Variants in CREBBP observed in about 807,000 individuals in gnomAD.
CREBBP encodes CREB binding lysine acetyltransferase, also known as CREB-binding protein.
Under a neutral mutation model 265.0 loss-of-function variants are expected in CREBBP, and 19 were observed. The ratio of observed to expected loss-of-function variants is 0.07; its 90% CI spans 0.05 to 0.11. CREBBP has a LOEUF of 0.11. Among genes scored for constraint, CREBBP ranks in the 10% least tolerant of loss-of-function variants. The pLI, the probability that CREBBP is intolerant of heterozygous loss-of-function variation, is 1.00. For missense variants in CREBBP, 2,525 were observed against 3,219.0 expected (o/e 0.78, Z 5.22); for synonymous variants, 1,457 against 1,223.7 (o/e 1.19, Z -3.98).
chr16:3,851,855 C>G, intron 1 of CREBBP, among the ~76,000 whole-genome samples: 1 of 71,522 alleles, frequency 1.4e-5, no homozygotes, highest in South Asian at 4.6e-4. Context: ...AGCGAGACTC[C>G]GTCTCAAAAA....
At chr16:3,830,339 T>A (rs1396154174) in intron 2 of CREBBP, among the ~76,000 whole-genome samples, 1 of 151,940 alleles carries the variant, frequency 6.6e-6, no homozygotes, top group Non-Finnish European at 1.5e-5. Context: ...GGGGCAGAGG[T>A]TGCAGGGAGC....
intron 2 of CREBBP, among the ~76,000 whole-genome samples, chr16:3,839,452 A>T (rs2054521498): frequency 6.6e-6 from 1 of 152,068 alleles, no homozygotes; most frequent in African/African-American, 2.4e-5. Context: ...AGGCTGAGGC[A>T]GGCGGATCAC....
chr16:3,862,883 T>C (rs1458456438), intron 1 of CREBBP, among the ~76,000 whole-genome samples: 1 of 152,202 alleles, frequency 6.6e-6, no homozygotes, highest in Non-Finnish European at 1.5e-5. Flanking sequence ...TTGCCTCTTA[T>C]TTGAAAGCTA....
chr16:3,821,432 T>A (rs1439129089), intron 2 of CREBBP, among the ~76,000 whole-genome samples: 1 of 152,086 alleles, frequency 6.6e-6, no homozygotes, highest in Admixed American at 6.5e-5. Context: ...AGGTCTTCCA[T>A]CCCCACTGCC....
At chr16:3,879,238 A>G (rs1486566879) in intron 1 of CREBBP, among the ~76,000 whole-genome samples, 113 of 5,528 alleles carry the variant, frequency 0.02, 1 homozygote, top group Admixed American at 0.047. Flanking sequence ...ACGCGCGCAC[A>G]CACACACACA....
chr16:3,865,502 G>A (rs959286382), intron 1 of CREBBP, among the ~76,000 whole-genome samples: 6 of 152,176 alleles, frequency 3.9e-5, no homozygotes, highest in African/African-American at 1.4e-4. Context: ...CCTGAATACA[G>A]ATAAACCCTG....
At chr16:3,807,622 A>T (rs1392467730) in intron 3 of CREBBP, among the ~76,000 whole-genome samples, 36 of 152,206 alleles carry the variant, frequency 2.4e-4, no homozygotes. Context: ...ACCTCAGAAC[A>T]TAACTGAAGA....
intron 21 of CREBBP, among the ~76,000 whole-genome samples, chr16:3,748,005 G>A (rs1037535185): frequency 7.2e-5 from 11 of 152,182 alleles, no homozygotes; most frequent in Non-Finnish European, 1.6e-4. Context: ...CAGGAGAATC[G>A]CTTGAACCCG....
At chr16:3,734,015 A>T (rs1032281518) in intron 28 of CREBBP, among the ~76,000 whole-genome samples, 3 of 152,224 alleles carry the variant, frequency 2.0e-5, no homozygotes, top group Non-Finnish European at 2.9e-5. Flanking sequence ...AGTAATTTTA[A>T]AAAGTTTTGT....
chr16:3,792,555 A>G (rs1286448787), intron 4 of CREBBP, among the ~76,000 whole-genome samples: 2 of 152,214 alleles, frequency 1.3e-5, no homozygotes, highest in East Asian at 3.8e-4. Context: ...CTTGGTGAAG[A>G]AGTACTCGAG....
chr16:3,833,976 C>A (rs150151960), intron 2 of CREBBP, among the ~76,000 whole-genome samples: 87 of 152,276 alleles, frequency 5.7e-4, no homozygotes, highest in African/African-American at 2.0e-3. Flanking sequence ...CCTTAACATA[C>A]ACCTCATCAA....
At chr16:3,834,113 C>T (rs1411174601) in intron 2 of CREBBP, among the ~76,000 whole-genome samples, 1 of 152,192 alleles carries the variant, frequency 6.6e-6, no homozygotes, top group Non-Finnish European at 1.5e-5. Flanking sequence ...ACACTGTCAA[C>T]ACGAAATGCT....
intron 1 of CREBBP, among the ~76,000 whole-genome samples, chr16:3,865,382 C>A (rs1394456633): frequency 1.3e-5 from 2 of 152,148 alleles, no homozygotes; most frequent in East Asian, 3.8e-4. Context: ...GAATGGTAGA[C>A]AACTGTAAGA....
intron 1 of CREBBP, among the ~76,000 whole-genome samples, chr16:3,875,928 CT>C (rs1181386110): frequency 6.6e-6 from 1 of 152,180 alleles, no homozygotes; most frequent in African/African-American, 2.4e-5. Context: ...ATAAGCTTCC[CT>C]ATTGCATTTA....
chr16:3,731,609 A>C lies in CREBBP; in HGVS notation c.4891-136T>G. 1 of 1,410,954 alleles carries C rather than the reference A, an allele frequency of 7.1e-7. No homozygotes were observed. The highest frequency in any genetic ancestry group is 9.9e-7 in the Non-Finnish European group (1 of 1,012,478). 87.4% of individuals were successfully genotyped at this position (1,410,954 alleles called of 1,614,324 possible). On this transcript the variant is annotated intron_variant, in intron 29 of 30. Transcript: ENST00000262367. The surrounding 1 kb of genome is among the most constrained non-coding windows in gnomAD (Gnocchi z 7.7). The stretch of plus-strand genomic sequence containing the variant: ...GATGGCCCTGATGCCTTGGGATGGA[A>C]CAAAATTGGTGACACGTTGCATGAT...
intron 1 of CREBBP, among the ~76,000 whole-genome samples, chr16:3,873,462 G>A (rs562875045): frequency 2.8e-4 from 42 of 152,298 alleles, no homozygotes; most frequent in African/African-American, 9.4e-4. Context: ...CTGTGGATAC[G>A]AGCACACATG....
intron 2 of CREBBP, among the ~76,000 whole-genome samples, chr16:3,830,651 A>G (rs1298854944): frequency 6.6e-6 from 1 of 152,188 alleles, no homozygotes; most frequent in Non-Finnish European, 1.5e-5. Flanking sequence ...GACAAACCTA[A>G]AATTGTAATT....
chr16:3,865,916 T>C (rs1418016541), intron 1 of CREBBP, among the ~76,000 whole-genome samples: 2 of 152,170 alleles, frequency 1.3e-5, no homozygotes, highest in African/African-American at 2.4e-5. Context: ...ATTACAGGCG[T>C]GAGCCCACCG....
intron 5 of CREBBP, among the ~76,000 whole-genome samples, chr16:3,788,671 C>G (rs930266601): frequency 1.3e-5 from 2 of 152,214 alleles, no homozygotes; most frequent in Non-Finnish European, 2.9e-5. Flanking sequence ...TCGAATGAGG[C>G]CAGGCGCGGT....
Sources: allele counts gnomAD v4.1 joint callset (sites outside exome capture counted in the v4.1 genomes callset), GRCh38; gene constraint gnomAD v4.1.1; non-coding constraint Gnocchi (gnomAD v3.1); transcripts MANE v1.5; gene names NCBI Gene and HGNC (gene_info 2026-07-23, HGNC 2026-07-21).